The following CERS6 variants were observed in gnomAD, a reference collection of about 807,000 sequenced individuals.
CERS6 encodes the protein ceramide synthase 6.
A neutral mutation model predicts 56.8 loss-of-function variants in CERS6; 26 were observed. The ratio of observed to expected loss-of-function variants is 0.46; its 90% CI spans 0.34 to 0.63. The LOEUF (loss-of-function observed/expected upper bound fraction) is 0.63, where lower values mean the gene tolerates loss of function less well. Among genes scored for constraint, CERS6 ranks in the 30% least tolerant of loss-of-function variants. The pLI, the probability that CERS6 is intolerant of heterozygous loss-of-function variation, is 0.01. For synonymous variants in CERS6, 164 were observed against 173.3 expected, an observed-to-expected ratio of 0.95 and a Z score of 0.42; for missense variants, 415 against 467.5, an observed-to-expected ratio of 0.89 and a Z score of 1.04.
At chr2:168,692,447 A>G (rs1686529685) in intron 5 of CERS6, among the ~76,000 whole-genome samples, 1 of 152,174 alleles carries the variant, frequency 6.6e-6, no homozygotes, top group African/African-American at 2.4e-5. Context: ...GCTGGAGCTG[A>G]GAAATTGCTT....
chr2:168,493,625 T>C (rs914341807), intron 1 of CERS6, among the ~76,000 whole-genome samples: 2 of 152,070 alleles, frequency 1.3e-5, no homozygotes, highest in African/African-American at 4.8e-5. Flanking sequence ...CAATGTAATA[T>C]GGCCTTCAGA....
intron 4 of CERS6, among the ~76,000 whole-genome samples, chr2:168,650,495 C>G (rs1218226942): frequency 1.3e-5 from 2 of 152,154 alleles, no homozygotes; most frequent in Non-Finnish European, 2.9e-5. Context: ...CCAACAAATA[C>G]TGATTCCTTC....
At chr2:168,495,601 T>C (rs1574021845) in intron 1 of CERS6, among the ~76,000 whole-genome samples, 1 of 152,202 alleles carries the variant, frequency 6.6e-6, no homozygotes, top group Non-Finnish European at 1.5e-5. Flanking sequence ...TTGTAAGTCT[T>C]GAACGTGGTT....
chr2:168,703,048 T>C (rs1290825328), intron 6 of CERS6, among the ~76,000 whole-genome samples: 1 of 152,252 alleles, frequency 6.6e-6, no homozygotes. Context: ...TAATTTTTAG[T>C]AAAAATGTAT....
At chr2:168,567,517 T>C (rs1240040016) in intron 3 of CERS6, among the ~76,000 whole-genome samples, 4 of 152,242 alleles carry the variant, frequency 2.6e-5, no homozygotes, top group African/African-American at 9.6e-5. Context: ...GAATATGTCA[T>C]TTTCATGTGT....
In CERS6 at chr2:168,674,674, G is replaced by A. The variant is rs12623623; in HGVS notation, c.466-16360G>A. ...AAACTTAGCGGCACAGTGGCTTAAG[G>A]GACAGAGAAGTTCATTTCTGCCTCG... On this transcript the variant is annotated intron_variant, in intron 4 of 9. Coordinates refer to ENST00000305747, the MANE Select transcript of CERS6 (RefSeq NM_203463.3). Among the ~76,000 whole-genome samples the A allele has an allele frequency of 0.017, 2,601 of 152,244 alleles. 147 individuals are homozygous for A. In the East Asian group the frequency reaches 0.21, roughly 12 times the overall value.
chr2:168,484,456 C>T (rs1305955428), intron 1 of CERS6, among the ~76,000 whole-genome samples: 1 of 151,720 alleles, frequency 6.6e-6, no homozygotes, highest in East Asian at 1.9e-4. Flanking sequence ...GTTGGGATTA[C>T]AGGCGTTGAG....
At chr2:168,647,868 A>G (rs1486619011) in intron 4 of CERS6, among the ~76,000 whole-genome samples, 1 of 152,158 alleles carries the variant, frequency 6.6e-6, no homozygotes, top group Admixed American at 6.6e-5. Flanking sequence ...AGCCTACTTG[A>G]TCATGATGGA....
chr2:168,479,950 A>C (rs1448654812), intron 1 of CERS6, among the ~76,000 whole-genome samples: 1 of 152,198 alleles, frequency 6.6e-6, no homozygotes, highest in East Asian at 1.9e-4. Context: ...TGTCCTAAGC[A>C]AAGGTCTTAC....
chr2:168,586,564 AT>A (rs1438812564), intron 3 of CERS6, among the ~76,000 whole-genome samples: 1 of 152,190 alleles, frequency 6.6e-6, no homozygotes, highest in Non-Finnish European at 1.5e-5. Context: ...TATTGGAAAT[AT>A]TTTAACTGTG....
intron 4 of CERS6, among the ~76,000 whole-genome samples, chr2:168,649,644 G>A (rs181015725): frequency 1.8e-3 from 275 of 152,044 alleles, no homozygotes; most frequent in Non-Finnish European, 3.1e-3. Flanking sequence ...TTATCCCCCC[G>A]TAGCAGCTCT....
At chr2:168,650,711 A>G (rs1347260845) in intron 4 of CERS6, among the ~76,000 whole-genome samples, 1 of 151,860 alleles carries the variant, frequency 6.6e-6, no homozygotes, top group African/African-American at 2.4e-5. Context: ...AGTCCACTAG[A>G]TCTGCGCTGG....
intron 3 of CERS6, among the ~76,000 whole-genome samples, chr2:168,611,693 G>C (rs191283389): frequency 5.9e-5 from 9 of 152,280 alleles, no homozygotes; most frequent in African/African-American, 2.2e-4. Context: ...ACAAAGTACA[G>C]ATTTAGTTAG....
At chr2:168,768,041 T>C (rs1208968207) in intron 9 of CERS6, among the ~76,000 whole-genome samples, 2 of 152,228 alleles carry the variant, frequency 1.3e-5, no homozygotes, top group Admixed American at 6.5e-5. Flanking sequence ...TATTTTTATC[T>C]TAAAAGCAGT....
At chr2:168,485,861 C>T (rs927986973) in intron 1 of CERS6, among the ~76,000 whole-genome samples, 5 of 152,146 alleles carry the variant, frequency 3.3e-5, no homozygotes, top group Non-Finnish European at 7.4e-5. Flanking sequence ...TAATACCTAG[C>T]ATGATTTGGC....
At chr2:168,622,836 G>A (rs758430759) in intron 3 of CERS6, among the ~76,000 whole-genome samples, 3 of 152,140 alleles carry the variant, frequency 2.0e-5, no homozygotes, top group Non-Finnish European at 4.4e-5. Flanking sequence ...CCTGTCTAAC[G>A]GATGAGTAAC....
At chr2:168,500,539 A>T (rs978968843) in intron 1 of CERS6, among the ~76,000 whole-genome samples, 1 of 152,230 alleles carries the variant, frequency 6.6e-6, no homozygotes, top group Non-Finnish European at 1.5e-5. Flanking sequence ...ACTTTGGGAC[A>T]GTTTAACCAG....
chr2:168,715,809 T>G (rs1367598700), intron 7 of CERS6, among the ~76,000 whole-genome samples: 1 of 152,166 alleles, frequency 6.6e-6, no homozygotes, highest in African/African-American at 2.4e-5. Flanking sequence ...CTCAATAATG[T>G]TCATAATTAA....
In CERS6 at chr2:168,512,669, CT is replaced by C. The variant is rs35756766; in HGVS notation, c.171-34912del. Reference sequence around the variant, plus strand: ...TTTTTTTCTACAGCTATTTTCTTTTCTTTTTTTTTTTTTTTAAAGACAGAGT... The same window carrying C: ...TTTTTTTCTACAGCTATTTTCTTTTCTTTTTTTTTTTTTTAAAGACAGAGT... On this transcript the variant is annotated intron_variant, in intron 1 of 9. Coordinates refer to ENST00000305747, the MANE Select transcript of CERS6 (RefSeq NM_203463.3). 7.2e-3 allele frequency among the ~76,000 whole-genome samples: 945 copies of C among 130,882 alleles called. 8 individuals carry two copies. The highest frequency in any genetic ancestry group is 0.016 in the African/African-American group (594 of 37,004). 85.9% of individuals were successfully genotyped at this position (130,882 alleles called of 152,430 possible).
Sources: allele counts gnomAD v4.1 joint callset (sites outside exome capture counted in the v4.1 genomes callset), GRCh38; gene constraint gnomAD v4.1.1; transcripts MANE v1.5; gene names NCBI Gene and HGNC (gene_info 2026-07-23, HGNC 2026-07-21).